RALYL: variants seen among roughly 807,000 people sequenced by gnomAD.
RALYL encodes RNA-binding Raly-like protein.
Under a neutral mutation model 35.1 loss-of-function variants are expected in RALYL, and 29 were observed. That is an observed-to-expected ratio of 0.83 (90% CI 0.61 to 1.13). RALYL has a LOEUF of 1.13. Ranked by LOEUF, RALYL falls within the 50% of genes most tolerant of loss-of-function variation. The pLI is 0.00. For synonymous variants in RALYL, 120 were observed against 127.6 expected, an observed-to-expected ratio of 0.94 and a Z score of 0.40; for missense variants, 359 against 360.4, an observed-to-expected ratio of 1.00 and a Z score of 0.03.
chr8:84,201,154 G>A (rs866863909), intron 1 of RALYL, among the ~76,000 whole-genome samples: 1 of 152,184 alleles, frequency 6.6e-6, no homozygotes, highest in African/African-American at 2.4e-5. Flanking sequence ...TGTGACCCAT[G>A]ATGAGGTGAG....
At chr8:84,242,135 A>C (rs1193143875) in intron 1 of RALYL, among the ~76,000 whole-genome samples, 1 of 152,182 alleles carries the variant, frequency 6.6e-6, no homozygotes, top group African/African-American at 2.4e-5. Flanking sequence ...AGTTTGCTGA[A>C]GATAATGGCT....
intron 1 of RALYL, among the ~76,000 whole-genome samples, chr8:84,292,818 C>T (rs1313860845): frequency 1.3e-5 from 2 of 152,154 alleles, no homozygotes; most frequent in African/African-American, 4.8e-5. Flanking sequence ...AGCCAGCAAA[C>T]CTCAGAACTG....
At chr8:84,896,683 C>T (rs1844803145) in intron 8 of RALYL, among the ~76,000 whole-genome samples, 1 of 152,170 alleles carries the variant, frequency 6.6e-6, no homozygotes, top group Non-Finnish European at 1.5e-5. Context: ...GCATTTGCTG[C>T]ACCCCTGAAT....
At chr8:84,668,836 A>T (rs901512988) in intron 2 of RALYL, among the ~76,000 whole-genome samples, 5 of 152,128 alleles carry the variant, frequency 3.3e-5, no homozygotes, top group African/African-American at 9.7e-5. Flanking sequence ...GGATTTTTTT[A>T]AAAATCACAA....
At chr8:84,365,294 C>A (rs1293100954) in intron 1 of RALYL, among the ~76,000 whole-genome samples, 1 of 152,108 alleles carries the variant, frequency 6.6e-6, no homozygotes, top group Non-Finnish European at 1.5e-5. Flanking sequence ...ATATTTCACT[C>A]ATATATTCAC....
At chr8:84,717,476 T>A (rs1389161613) in intron 2 of RALYL, among the ~76,000 whole-genome samples, 2 of 152,090 alleles carry the variant, frequency 1.3e-5, no homozygotes, top group African/African-American at 4.8e-5. Flanking sequence ...AAATTAACAG[T>A]CTTGCCTTGC....
At position 84,365,430 on chromosome 8, in the gene RALYL, A is replaced by G. The variant is rs145895591; in HGVS notation, c.-23-163869A>G. Among the ~76,000 whole-genome samples the G allele has an allele frequency of 4.9e-4, 75 of 152,334 alleles. No individual in the cohort carries two copies. In the East Asian group the frequency reaches 0.013, roughly 26 times the overall value. ...GTGTTGCAAAACTAATGTTGGCCATAAAAATCAATACATTGACTACAATCT... is the reference window on the plus strand; with the variant it reads ...GTGTTGCAAAACTAATGTTGGCCATGAAAATCAATACATTGACTACAATCT... On this transcript the variant is annotated intron_variant, in intron 1 of 8. Coordinates refer to ENST00000521268, the MANE Select transcript of RALYL (RefSeq NM_173848.7).
chr8:84,727,687 T>C (rs1444943786), intron 2 of RALYL, among the ~76,000 whole-genome samples: 1 of 145,142 alleles, frequency 6.9e-6, no homozygotes, highest in African/African-American at 2.5e-5. Flanking sequence ...GTGTTCTCAT[T>C]GTTCAGTTCC....
intron 2 of RALYL, among the ~76,000 whole-genome samples, chr8:84,668,643 T>C (rs556364232): frequency 7.9e-5 from 12 of 152,200 alleles, no homozygotes; most frequent in African/African-American, 2.6e-4. Flanking sequence ...GAGAGGCATA[T>C]ATTATGAGAC....
At chr8:84,843,383 T>C (rs1002677079) in intron 4 of RALYL, among the ~76,000 whole-genome samples, 8 of 152,034 alleles carry the variant, frequency 5.3e-5, no homozygotes, top group African/African-American at 1.9e-4. Context: ...TCAAGGAGAA[T>C]AAAATACCTA....
intron 1 of RALYL, among the ~76,000 whole-genome samples, chr8:84,401,626 A>C (rs1253538448): frequency 7.9e-6 from 1 of 126,228 alleles, no homozygotes; most frequent in Non-Finnish European, 1.6e-5. Context: ...CGAAAGAGCT[A>C]GACTCTGTCT....
intron 2 of RALYL, among the ~76,000 whole-genome samples, chr8:84,622,216 G>A (rs974048167): frequency 6.6e-6 from 1 of 152,100 alleles, no homozygotes; most frequent in Non-Finnish European, 1.5e-5. Flanking sequence ...AAGAAAAAGG[G>A]GTCATACGTG....
At chr8:84,880,066 T>C (rs1423624887) in intron 7 of RALYL, among the ~76,000 whole-genome samples, 1 of 152,244 alleles carries the variant, frequency 6.6e-6, no homozygotes, top group East Asian at 1.9e-4. Context: ...AGGAGGATAT[T>C]TGGCCACCAT....
At chr8:84,480,251 A>G (rs1430374642) in intron 1 of RALYL, among the ~76,000 whole-genome samples, 2 of 152,296 alleles carry the variant, frequency 1.3e-5, no homozygotes, top group East Asian at 3.9e-4. Context: ...GGAAAAGATG[A>G]AATACAAAGA....
intron 2 of RALYL, among the ~76,000 whole-genome samples, chr8:84,693,229 G>A (rs754648294): frequency 6.6e-6 from 1 of 151,936 alleles, no homozygotes; most frequent in Non-Finnish European, 1.5e-5. Flanking sequence ...AAAAAGAAGT[G>A]CCTGAGACTG....
At chr8:84,206,438 G>T (rs1158447273) in intron 1 of RALYL, among the ~76,000 whole-genome samples, 1 of 152,096 alleles carries the variant, frequency 6.6e-6, no homozygotes, top group Non-Finnish European at 1.5e-5. Flanking sequence ...ATTAGAAAAT[G>T]TAATTATTTC....
intron 2 of RALYL, among the ~76,000 whole-genome samples, chr8:84,596,700 T>C (rs1814621209): frequency 6.6e-6 from 1 of 152,128 alleles, no homozygotes; most frequent in African/African-American, 2.4e-5. Flanking sequence ...GTTAGACACC[T>C]ATGGAAAATT....
intron 2 of RALYL, among the ~76,000 whole-genome samples, chr8:84,565,187 G>A (rs908762685): frequency 6.6e-6 from 1 of 151,590 alleles, no homozygotes; most frequent in South Asian, 2.1e-4. Flanking sequence ...TACATATGTA[G>A]TTAATGACAA....
chr8:84,804,078 A>C (rs1824021295), intron 3 of RALYL, among the ~76,000 whole-genome samples: 1 of 152,200 alleles, frequency 6.6e-6, no homozygotes, highest in African/African-American at 2.4e-5. Context: ...ATGGAAAGTT[A>C]ATTTATGAAA....
Sources: gnomAD v4.1 joint callset for allele counts (sites outside exome capture counted in the v4.1 genomes callset) on GRCh38, gnomAD v4.1.1 for gene constraint, MANE v1.5 for transcripts, NCBI Gene and HGNC (gene_info 2026-07-23, HGNC 2026-07-21) for gene names.